The following BRWD3 variants were observed in gnomAD, a reference collection of about 807,000 sequenced individuals.
BRWD3 encodes the protein bromodomain and WD repeat domain containing 3, also known as bromodomain and WD repeat-containing protein 3.
In BRWD3, 10 loss-of-function variants were observed where a neutral mutation model predicts 149.7. The observed-to-expected ratio is 0.07, with a 90% CI of 0.04 to 0.11. BRWD3 has a LOEUF of 0.11. BRWD3 is among the 10% of genes least tolerant of loss of function. BRWD3 has a pLI of 1.00. For missense variants in BRWD3, 940 were observed against 1,373.2 expected, an observed-to-expected ratio of 0.68 and a Z score of 4.99; for synonymous variants, 504 against 456.7, an observed-to-expected ratio of 1.10 and a Z score of -1.32.
At chrX:80,752,430 G>C (rs1314110854) in intron 6 of BRWD3, among the ~76,000 whole-genome samples, 3 of 111,497 alleles carry the variant, frequency 2.7e-5, no homozygotes, top group Non-Finnish European at 5.6e-5. Context: ...TAATGGGTTT[G>C]CTGGATTGAA....
chrX:80,752,459 T>A (rs1365251905), intron 6 of BRWD3, among the ~76,000 whole-genome samples: 3 of 111,615 alleles, frequency 2.7e-5, no homozygotes, highest in Non-Finnish European at 5.6e-5. Context: ...CTATTTTTAG[T>A]TCTTTGAGAA....
chrX:80,725,927 T>C (rs73227304), intron 14 of BRWD3, among the ~76,000 whole-genome samples: 9,249 of 111,045 alleles, frequency 0.083, 371 homozygotes, highest in South Asian at 0.19. Flanking sequence ...CTATATGACA[T>C]AACTTGTTTA....
chrX:80,757,628 GTC>G (rs2073757411), intron 6 of BRWD3, among the ~76,000 whole-genome samples: 1 of 111,906 alleles, frequency 8.9e-6, no homozygotes, highest in African/African-American at 3.2e-5. Context: ...AGAATCCATT[GTC>G]TCTTAGATAT....
At chrX:80,709,672 G>A in intron 20 of BRWD3, 95 bp from the exon 21 acceptor site, 4 of 741,747 alleles carry the variant, frequency 5.4e-6, no homozygotes, top group Non-Finnish European at 7.9e-6. Context: ...GGGTAGGGGT[G>A]AGTAGGAGAT....
chrX:80,764,548 C>T (rs1445194815), intron 6 of BRWD3, among the ~76,000 whole-genome samples: 1 of 109,340 alleles, frequency 9.1e-6, no homozygotes, highest in Admixed American at 9.8e-5. Flanking sequence ...CTCCTGACCT[C>T]GTGATCTGCC....
intron 6 of BRWD3, among the ~76,000 whole-genome samples, chrX:80,772,652 A>G (rs1354146099): frequency 1.8e-5 from 2 of 111,724 alleles, no homozygotes; most frequent in Non-Finnish European, 1.9e-5. Flanking sequence ...GAAAGTAATT[A>G]AGAACAGAAA....
At chrX:80,726,985 C>T (rs978645365) in intron 14 of BRWD3, among the ~76,000 whole-genome samples, 3 of 104,507 alleles carry the variant, frequency 2.9e-5, no homozygotes, top group African/African-American at 1.1e-4. Flanking sequence ...CTTCAATGTA[C>T]ATTAGGGAAA....
chrX:80,709,612 G>T, intron 20 of BRWD3, 35 bp from the exon 21 acceptor site: 2 of 1,170,173 alleles, frequency 1.7e-6, no homozygotes, highest in African/African-American at 1.8e-5. Context: ...TTTAAAAAAG[G>T]AAAAGCTCAG....
chrX:80,803,101 C>CAA (rs61306754), intron 4 of BRWD3, among the ~76,000 whole-genome samples: 16 of 24,032 alleles, frequency 6.7e-4, no homozygotes, highest in East Asian at 1.9e-3. Flanking sequence ...GACTCCATCT[C>CAA]AAAAAAAAAA....
chrX:80,772,229 C>T (rs2073952086), intron 6 of BRWD3, among the ~76,000 whole-genome samples: 2 of 111,983 alleles, frequency 1.8e-5, no homozygotes, highest in Non-Finnish European at 3.8e-5. Flanking sequence ...AAATGTCCAT[C>T]AATGATAGAC....
intron 6 of BRWD3, among the ~76,000 whole-genome samples, chrX:80,751,030 T>C (rs1280590523): frequency 2.7e-5 from 3 of 111,233 alleles, no homozygotes; most frequent in Admixed American, 9.6e-5. Flanking sequence ...ATATCATTTA[T>C]GTAGAAGCTA....
chrX:80,801,828 G>T (rs1363527408), intron 4 of BRWD3, among the ~76,000 whole-genome samples: 1 of 110,181 alleles, frequency 9.1e-6, no homozygotes, highest in Non-Finnish European at 1.9e-5. Flanking sequence ...GCAAAACTCT[G>T]TCTCAAATAA....
chrX:80,715,162 T>C (rs1243872327), intron 20 of BRWD3, among the ~76,000 whole-genome samples: 2 of 109,180 alleles, frequency 1.8e-5, no homozygotes, highest in Non-Finnish European at 1.9e-5. Context: ...AAAATCAGCT[T>C]AGTAAGAAAC....
intron 12 of BRWD3, among the ~76,000 whole-genome samples, chrX:80,732,278 A>G (rs1161065421): frequency 8.9e-6 from 1 of 112,311 alleles, no homozygotes; most frequent in Non-Finnish European, 1.9e-5. Context: ...AATTTATGCT[A>G]GGTGCTTAAA....
At chrX:80,774,964 A>T (rs968650236) in intron 6 of BRWD3, among the ~76,000 whole-genome samples, 1 of 111,828 alleles carries the variant, frequency 8.9e-6, no homozygotes, top group Non-Finnish European at 1.9e-5. Flanking sequence ...TCATCATATG[A>T]TTTTCCTATT....
chrX:80,766,903 C>G (rs1201506659), intron 6 of BRWD3, among the ~76,000 whole-genome samples: 1 of 112,022 alleles, frequency 8.9e-6, no homozygotes, highest in Admixed American at 9.4e-5. Context: ...GGGACATTCG[C>G]ACCCAAATAC....
chrX:80,695,768 A>G, intron 27 of BRWD3, 140 bp downstream of exon 27: 1 of 505,446 alleles, frequency 2.0e-6, no homozygotes, highest in Non-Finnish European at 3.3e-6. Context: ...CTAAAAGGAA[A>G]TTTTAACTTA....
intron 8 of BRWD3, among the ~76,000 whole-genome samples, chrX:80,740,533 G>A (rs1049114319): frequency 1.8e-5 from 2 of 111,804 alleles, no homozygotes; most frequent in Non-Finnish European, 3.8e-5. Context: ...TCGCACTTGA[G>A]TCCAGGACTT....
chrX:80,769,583 A>C (rs936557574), intron 6 of BRWD3, among the ~76,000 whole-genome samples: 18 of 111,713 alleles, frequency 1.6e-4, no homozygotes, highest in African/African-American at 5.9e-4. Flanking sequence ...TCTGGGACAC[A>C]TTTAAAGCAG....
Sources: allele counts gnomAD v4.1 joint callset (sites outside exome capture counted in the v4.1 genomes callset), GRCh38; gene constraint gnomAD v4.1.1; transcripts MANE v1.5; gene names NCBI Gene and HGNC (gene_info 2026-07-23, HGNC 2026-07-21).